The following SEMA5A variants were observed in gnomAD, a reference collection of about 807,000 sequenced individuals.
The protein encoded by SEMA5A is semaphorin-5A.
A neutral mutation model predicts 135.5 loss-of-function variants in SEMA5A; 55 were observed. The observed-to-expected ratio is 0.41, with a 90% CI of 0.33 to 0.51. The LOEUF (loss-of-function observed/expected upper bound fraction) is 0.51. Ranked by LOEUF, SEMA5A falls within the 20% of genes least tolerant of loss-of-function variation. The probability of loss-of-function intolerance (pLI) is 0.37; values close to 1 mark genes in which losing one functional copy is unlikely to be tolerated. For missense variants in SEMA5A, 1,290 were observed against 1,419.9 expected, an observed-to-expected ratio of 0.91 and a Z score of 1.47; for synonymous variants, 580 against 546.5, an observed-to-expected ratio of 1.06 and a Z score of -0.85.
chr5:9,043,674 G>A (rs1231991442), intron 22 of SEMA5A, among the ~76,000 whole-genome samples: 1 of 152,168 alleles, frequency 6.6e-6, no homozygotes. Flanking sequence ...GGTTAGTCTG[G>A]GCAAAGTATC....
At chr5:9,112,278 A>G (rs1740283944) in intron 15 of SEMA5A, among the ~76,000 whole-genome samples, 1 of 152,218 alleles carries the variant, frequency 6.6e-6, no homozygotes, top group Admixed American at 6.5e-5. Context: ...AAGACCTTTT[A>G]TAATTCCATA....
intron 1 of SEMA5A, among the ~76,000 whole-genome samples, chr5:9,520,872 C>T (rs115069256): frequency 2.0e-5 from 3 of 152,162 alleles, no homozygotes; most frequent in African/African-American, 7.2e-5. Flanking sequence ...AGGAGACAGG[C>T]AGCTAACTGC....
chr5:9,435,595 C>T (rs964480749), intron 2 of SEMA5A, among the ~76,000 whole-genome samples: 5 of 152,260 alleles, frequency 3.3e-5, no homozygotes, highest in East Asian at 1.9e-4. Context: ...CTACTGTCCC[C>T]GAAACACTCT....
intron 12 of SEMA5A, among the ~76,000 whole-genome samples, chr5:9,141,624 C>T (rs16882086): frequency 0.29 from 44,794 of 151,974 alleles, 6,694 homozygotes; most frequent in Non-Finnish European, 0.32. Flanking sequence ...TGGAGACAGG[C>T]CTTAATTCTA....
intron 14 of SEMA5A, among the ~76,000 whole-genome samples, chr5:9,121,663 A>G (rs1740818081): frequency 6.6e-6 from 1 of 152,176 alleles, no homozygotes; most frequent in Non-Finnish European, 1.5e-5. Context: ...ACATAATGCA[A>G]TGTTGATATG....
chr5:9,387,494 A>G (rs895442738), intron 2 of SEMA5A, among the ~76,000 whole-genome samples: 2 of 152,246 alleles, frequency 1.3e-5, no homozygotes, highest in African/African-American at 4.8e-5. Context: ...GAAACAAAGA[A>G]GGAAGAAATC....
At chr5:9,093,536 G>A (rs974078631) in intron 16 of SEMA5A, among the ~76,000 whole-genome samples, 2 of 151,382 alleles carry the variant, frequency 1.3e-5, no homozygotes, top group African/African-American at 2.4e-5. Context: ...GTGAAACCCC[G>A]TCTCTACTAA....
chr5:9,080,399 G>A (rs1392839383), intron 16 of SEMA5A, among the ~76,000 whole-genome samples: 1 of 152,010 alleles, frequency 6.6e-6, no homozygotes. Context: ...AGCCGGTTGG[G>A]GGTGGCTAGG....
At chr5:9,364,637 T>C (rs990804135) in intron 3 of SEMA5A, among the ~76,000 whole-genome samples, 2 of 152,222 alleles carry the variant, frequency 1.3e-5, no homozygotes, top group African/African-American at 4.8e-5. Flanking sequence ...CAAATTATTG[T>C]GCACCAGCTT....
At chr5:9,269,691 C>T (rs1051894145) in intron 5 of SEMA5A, among the ~76,000 whole-genome samples, 7 of 152,162 alleles carry the variant, frequency 4.6e-5, no homozygotes, top group Non-Finnish European at 8.8e-5. Context: ...TAAGATTATA[C>T]ATGGTGGTGA....
chr5:9,539,385 C>G (rs1293075814), intron 1 of SEMA5A, among the ~76,000 whole-genome samples: 1 of 152,114 alleles, frequency 6.6e-6, no homozygotes, highest in East Asian at 1.9e-4. Flanking sequence ...TCTATAAATC[C>G]AACTACATGA....
At chr5:9,253,052 CACA>C (rs1229353695) in intron 5 of SEMA5A, among the ~76,000 whole-genome samples, 6 of 152,166 alleles carry the variant, frequency 3.9e-5, no homozygotes, top group Non-Finnish European at 8.8e-5. Context: ...CTGACAATAA[CACA>C]ACAATTTATG....
chr5:9,505,892 T>C (rs1156738057), intron 1 of SEMA5A, among the ~76,000 whole-genome samples: 1 of 152,208 alleles, frequency 6.6e-6, no homozygotes, highest in Non-Finnish European at 1.5e-5. Context: ...CAGAAATTTG[T>C]CCTGGTAGAT....
At chr5:9,192,742 A>C (rs1745181719) in intron 10 of SEMA5A, among the ~76,000 whole-genome samples, 1 of 152,200 alleles carries the variant, frequency 6.6e-6, no homozygotes. Flanking sequence ...TCTAGTTCTG[A>C]GCATGATGTT....
At position 9,330,262 on chromosome 5, in the gene SEMA5A, C is replaced by T. The variant is rs1318323706; in HGVS notation, c.224+7451G>A. Among the ~76,000 whole-genome samples the T allele has an allele frequency of 1.3e-4, 19 of 151,916 alleles. 1 individual carries two copies. The South Asian group carries it at 3.1e-3, about 25-fold the overall frequency. On this transcript the variant is annotated intron_variant, in intron 4 of 22. Transcript: ENST00000382496. ...AAAATTAGCCGGGCGTGGTAGCGGG[C>T]GCCTGTAGTCCCAGCTACTCGGGAG...
intron 5 of SEMA5A, among the ~76,000 whole-genome samples, chr5:9,259,655 C>T (rs1472721503): frequency 1.3e-5 from 2 of 151,184 alleles, no homozygotes; most frequent in Non-Finnish European, 2.9e-5. Context: ...GGGTACATAA[C>T]GAAATGAAGG....
chr5:9,291,081 C>T (rs1270005696), intron 5 of SEMA5A, among the ~76,000 whole-genome samples: 1 of 152,086 alleles, frequency 6.6e-6, no homozygotes, highest in Non-Finnish European at 1.5e-5. Flanking sequence ...ACAGAATTTC[C>T]CATTTTCTTT....
At chr5:9,326,995 G>A (rs532244407) in intron 4 of SEMA5A, among the ~76,000 whole-genome samples, 5 of 151,982 alleles carry the variant, frequency 3.3e-5, no homozygotes, top group Admixed American at 6.6e-5. Flanking sequence ...TATGCTGGTC[G>A]ACTCTAAGTA....
intron 2 of SEMA5A, among the ~76,000 whole-genome samples, chr5:9,414,346 T>A (rs1300277208): frequency 6.6e-6 from 1 of 152,230 alleles, no homozygotes; most frequent in Non-Finnish European, 1.5e-5. Context: ...ACAGTTTTCC[T>A]CTAGCTCTTC....
Sources: allele counts gnomAD v4.1 joint callset (sites outside exome capture counted in the v4.1 genomes callset), GRCh38; gene constraint gnomAD v4.1.1; transcripts MANE v1.5; gene names NCBI Gene and HGNC (gene_info 2026-07-23, HGNC 2026-07-21).